TENM2: variants seen among roughly 807,000 people sequenced by gnomAD.
TENM2 encodes the protein teneurin transmembrane protein 2.
TENM2 carries 52 observed loss-of-function variants against 245.2 expected under a neutral mutation model. The observed-to-expected ratio is 0.21, with a 90% confidence interval of 0.17 to 0.27. The LOEUF (loss-of-function observed/expected upper bound fraction) is 0.27. Ranked by LOEUF, TENM2 falls within the 10% of genes least tolerant of loss-of-function variation. The pLI is 1.00. For synonymous variants in TENM2, 1,363 were observed against 1,438.9 expected (o/e 0.95, Z 1.19); for missense variants, 3,046 against 3,666.8 (o/e 0.83, Z 4.37).
At chr5:167,673,470 A>G (rs951593520) in intron 2 of TENM2, among the ~76,000 whole-genome samples, 1 of 152,058 alleles carries the variant, frequency 6.6e-6, no homozygotes, top group Non-Finnish European at 1.5e-5. Context: ...GTCTCTACTA[A>G]AGCCCTTGAC....
intron 13 of TENM2, among the ~76,000 whole-genome samples, chr5:168,168,814 C>T (rs1758540525): frequency 1.3e-5 from 2 of 152,106 alleles, no homozygotes; most frequent in African/African-American, 2.4e-5. Context: ...GTTTAAAAAC[C>T]TTTAATTCTC....
At position 167,682,863 on chromosome 5, in the gene TENM2, A is replaced by T. The variant is rs575175512; in HGVS notation, c.503-193123A>T. On this transcript the variant is annotated intron_variant, in intron 2 of 28. Transcript: ENST00000518659. ...TAGATGCTTGATAAAATGTAATCAG[A>T]CTTTCTCATAGTTTACATTACACAG... is the stretch of plus-strand genomic sequence containing the variant. Among the ~76,000 whole-genome samples the T allele has an allele frequency of 3.3e-5, 5 of 152,140 alleles. No individual in the cohort carries two copies. The East Asian group carries it at 9.7e-4, about 29-fold the overall frequency.
intron 7 of TENM2, among the ~76,000 whole-genome samples, chr5:168,074,465 C>T (rs1350868968): frequency 2.6e-5 from 4 of 152,278 alleles, no homozygotes; most frequent in East Asian, 3.9e-4. Flanking sequence ...ACTGGCCTCC[C>T]GTCATGCAAA....
At chr5:167,741,187 C>T (rs976704168) in intron 2 of TENM2, among the ~76,000 whole-genome samples, 1 of 152,150 alleles carries the variant, frequency 6.6e-6, no homozygotes, top group Non-Finnish European at 1.5e-5. Flanking sequence ...CTGTGAAATT[C>T]TTTCTTCTTC....
At chr5:168,158,770 GC>G (rs1358237324) in intron 12 of TENM2, among the ~76,000 whole-genome samples, 2 of 141,738 alleles carry the variant, frequency 1.4e-5, no homozygotes, top group Non-Finnish European at 3.0e-5. Context: ...GACCAGCCTG[GC>G]CAACATGGTG....
chr5:167,432,711 C>T (rs1447860790), intron 2 of TENM2, among the ~76,000 whole-genome samples: 2 of 151,764 alleles, frequency 1.3e-5, no homozygotes, highest in African/African-American at 4.8e-5. Flanking sequence ...ACATTTTTTC[C>T]TTTCTATTCC....
intron 2 of TENM2, among the ~76,000 whole-genome samples, chr5:167,641,203 A>C (rs1405634330): frequency 1.3e-5 from 2 of 152,000 alleles, no homozygotes; most frequent in African/African-American, 4.8e-5. Flanking sequence ...GCAAAACCTA[A>C]AAGTTAATAC....
the TENM2 span, among the ~76,000 whole-genome samples, chr5:167,118,368 T>C: frequency 6.6e-6 from 1 of 152,110 alleles, no homozygotes; most frequent in African/African-American, 2.4e-5. Context: ...GAAAAATATA[T>C]CTGTACACAA....
At chr5:167,389,369 G>A (rs1761629864) in intron 2 of TENM2, among the ~76,000 whole-genome samples, 2 of 151,804 alleles carry the variant, frequency 1.3e-5, no homozygotes, top group Non-Finnish European at 2.9e-5. Context: ...TTCAGTCTGT[G>A]TGTCTATCTG....
chr5:167,119,873 A>C, the TENM2 span, among the ~76,000 whole-genome samples: 18 of 152,362 alleles, frequency 1.2e-4, no homozygotes, highest in East Asian at 2.1e-3. Flanking sequence ...GAAATATGAT[A>C]CAAGGTAATG....
chr5:167,853,244 C>T (rs1295847723), intron 2 of TENM2, among the ~76,000 whole-genome samples: 2 of 129,120 alleles, frequency 1.5e-5, no homozygotes, highest in African/African-American at 2.9e-5. Context: ...GAGCCGAGAT[C>T]GCCCCACTGC....
At chr5:167,111,520 C>T in the TENM2 span, among the ~76,000 whole-genome samples, 4 of 152,194 alleles carry the variant, frequency 2.6e-5, no homozygotes, top group Non-Finnish European at 5.9e-5. Flanking sequence ...CAGGAATTCA[C>T]AGCCATTTTC....
At chr5:168,134,692 GA>G (rs969540047) in intron 12 of TENM2, among the ~76,000 whole-genome samples, 4 of 151,360 alleles carry the variant, frequency 2.6e-5, no homozygotes, top group African/African-American at 9.7e-5. Context: ...TGTCTCAAAA[GA>G]AAAAAAAATT....
chr5:167,319,865 G>C (rs1428667856), intron 1 of TENM2, among the ~76,000 whole-genome samples: 1 of 152,200 alleles, frequency 6.6e-6, no homozygotes, highest in Admixed American at 6.5e-5. Context: ...GATATAACCA[G>C]TTGTAATAAG....
chr5:167,016,253 CAAAAA>C, the TENM2 span, among the ~76,000 whole-genome samples: 38 of 99,816 alleles, frequency 3.8e-4, 1 homozygote, highest in African/African-American at 1.4e-3. Flanking sequence ...GACTCTGTCT[CAAAAA>C]AAAAAACAAA....
chr5:168,206,060 AAAG>A (rs1762325544), intron 19 of TENM2, among the ~76,000 whole-genome samples: 2 of 152,218 alleles, frequency 1.3e-5, no homozygotes, highest in Admixed American at 1.3e-4. Context: ...AGGAACGAAC[AAAG>A]ACAGAAACGA....
chr5:167,952,285 T>C, intron 3 of TENM2: 1 of 491,998 alleles, frequency 2.0e-6, no homozygotes, highest in Non-Finnish European at 3.6e-6. Flanking sequence ...GTCATGTTAC[T>C]TTCATTGCAG....
At chr5:167,168,423 A>G in the TENM2 span, 1 of 152,172 alleles carries the variant, frequency 6.6e-6, no homozygotes, top group Non-Finnish European at 1.5e-5. Context: ...ACCCTTCACA[A>G]GTCCTCTTGT....
rs576843640 is a variant in TENM2, at chr5:167,474,890, C to G, written c.502+99417C>G. Among the ~76,000 whole-genome samples the G allele has an allele frequency of 9.2e-5, 14 of 152,322 alleles. No homozygotes were observed. The South Asian group carries it at 2.9e-3, about 32-fold the overall frequency. On this transcript the variant is annotated intron_variant, in intron 2 of 28. Transcript: ENST00000518659. Reference sequence around the variant, plus strand: ...ATAAATCCAGGACAAAGAACAAAATCTGGACTGTTTTCAAATTTTGCCTTT... The same window carrying G: ...ATAAATCCAGGACAAAGAACAAAATGTGGACTGTTTTCAAATTTTGCCTTT...
Sources: allele counts gnomAD v4.1 joint callset (sites outside exome capture counted in the v4.1 genomes callset), GRCh38; gene constraint gnomAD v4.1.1; transcripts MANE v1.5; gene names NCBI Gene and HGNC (gene_info 2026-07-23, HGNC 2026-07-21).